BMPR1B: variants seen among roughly 807,000 people sequenced by gnomAD.
The protein encoded by BMPR1B is bone morphogenetic protein receptor type-1B.
BMPR1B carries 12 observed loss-of-function variants against 59.1 expected under a neutral mutation model. The observed-to-expected ratio is 0.20, with a 90% confidence interval of 0.13 to 0.33. The LOEUF (loss-of-function observed/expected upper bound fraction) is 0.33. BMPR1B is among the 10% of genes least tolerant of loss of function. The pLI is 1.00. For synonymous variants in BMPR1B, 237 were observed against 207.3 expected (o/e 1.14, Z -1.23); for missense variants, 550 against 610.9 (o/e 0.90, Z 1.05).
chr4:95,109,504 G>A (rs1283721596), intron 4 of BMPR1B, among the ~76,000 whole-genome samples: 2 of 152,132 alleles, frequency 1.3e-5, no homozygotes, highest in Non-Finnish European at 1.5e-5. Flanking sequence ...GGATTTAAGC[G>A]TGCATTGTTC....
At position 95,061,891 on chromosome 4, in the gene BMPR1B, G is replaced by A. The variant is rs142344968; in HGVS notation, c.-17-42517G>A. Among the ~76,000 whole-genome samples, 554 of 152,218 alleles carry A rather than the reference G, an allele frequency of 3.6e-3. 2 individuals carry two copies. The highest frequency in any genetic ancestry group is 0.013 in the African/African-American group (520 of 41,552). On this transcript the variant is annotated intron_variant, in intron 3 of 12. Transcript: ENST00000515059. ...TGGTGGGAGGTGATTGGATCTTGGCGGTGGTTTTCCCCCTTGCTGTTCTTG... is the reference window on the plus strand; with the variant it reads ...TGGTGGGAGGTGATTGGATCTTGGCAGTGGTTTTCCCCCTTGCTGTTCTTG...
intron 2 of BMPR1B, among the ~76,000 whole-genome samples, chr4:94,961,824 A>C (rs559937574): frequency 1.3e-5 from 2 of 152,182 alleles, no homozygotes; most frequent in Non-Finnish European, 2.9e-5. Flanking sequence ...TTATGAATGC[A>C]TAATAGTTGT....
intron 3 of BMPR1B, among the ~76,000 whole-genome samples, chr4:95,089,331 T>C (rs767784741): frequency 3.2e-4 from 49 of 151,966 alleles, no homozygotes; most frequent in Non-Finnish European, 5.1e-4. Flanking sequence ...TTTTTGGCGG[T>C]GGTTTGTTTA....
intron 3 of BMPR1B, among the ~76,000 whole-genome samples, chr4:95,082,729 A>C (rs1027459358): frequency 2.0e-5 from 3 of 152,164 alleles, no homozygotes; most frequent in Non-Finnish European, 4.4e-5. Context: ...AAAAGAGTAC[A>C]TGTAAGTGAA....
At chr4:94,965,369 G>A (rs1730516043) in intron 2 of BMPR1B, among the ~76,000 whole-genome samples, 2 of 151,888 alleles carry the variant, frequency 1.3e-5, no homozygotes, top group South Asian at 4.2e-4. Context: ...CAAAAGCCTG[G>A]CACATAGCAG....
chr4:94,996,230 A>G (rs1240964568), intron 3 of BMPR1B, 96 bp downstream of exon 3: 1 of 152,286 alleles, frequency 6.6e-6, no homozygotes, highest in Non-Finnish European at 1.5e-5. Flanking sequence ...TGGCATGTCA[A>G]AGCTAATGAG....
At chr4:94,941,431 CAAA>C (rs35329546) in intron 2 of BMPR1B, among the ~76,000 whole-genome samples, 1 of 115,710 alleles carries the variant, frequency 8.6e-6, no homozygotes, top group Non-Finnish European at 1.8e-5. Flanking sequence ...AAAACTGTCT[CAAA>C]AAAAAAAAAA....
At chr4:95,050,418 G>A (rs757866525) in intron 3 of BMPR1B, among the ~76,000 whole-genome samples, 1 of 152,098 alleles carries the variant, frequency 6.6e-6, no homozygotes, top group Non-Finnish European at 1.5e-5. Flanking sequence ...AAAGTACTTA[G>A]GAAAGTATAA....
At chr4:94,922,037 C>A (rs1438043323) in intron 2 of BMPR1B, among the ~76,000 whole-genome samples, 1 of 151,994 alleles carries the variant, frequency 6.6e-6, no homozygotes, top group Admixed American at 6.6e-5. Context: ...TGGAGTGCAG[C>A]AACACAATTA....
chr4:94,957,578 AT>A (rs1419159541), intron 2 of BMPR1B, among the ~76,000 whole-genome samples: 2 of 151,158 alleles, frequency 1.3e-5, no homozygotes, highest in Non-Finnish European at 2.9e-5. Flanking sequence ...GGTAAGAAAT[AT>A]TTTTCTTCGA....
intron 4 of BMPR1B, among the ~76,000 whole-genome samples, chr4:95,114,205 A>C (rs763295835): frequency 5.9e-5 from 9 of 152,148 alleles, no homozygotes; most frequent in Non-Finnish European, 1.0e-4. Flanking sequence ...GTATTTCACT[A>C]TCTCAGAGCA....
chr4:94,925,623 C>A (rs114115880), intron 2 of BMPR1B, among the ~76,000 whole-genome samples: 1 of 152,016 alleles, frequency 6.6e-6, no homozygotes, highest in Admixed American at 6.6e-5. Flanking sequence ...AGAGCACATG[C>A]CTTAAAAATT....
chr4:94,940,104 A>C (rs1729452918), intron 2 of BMPR1B, among the ~76,000 whole-genome samples: 1 of 152,210 alleles, frequency 6.6e-6, no homozygotes, highest in Non-Finnish European at 1.5e-5. Flanking sequence ...TTGTGAATTA[A>C]TAAAACAAGA....
chr4:94,785,933 A>G (rs1722747858), intron 1 of BMPR1B, among the ~76,000 whole-genome samples: 1 of 152,094 alleles, frequency 6.6e-6, no homozygotes, highest in Non-Finnish European at 1.5e-5. Context: ...CTATATAGTG[A>G]CCTTTCCTGA....
intron 1 of BMPR1B, among the ~76,000 whole-genome samples, chr4:94,799,964 A>G (rs1723345137): frequency 2.0e-5 from 3 of 152,158 alleles, no homozygotes; most frequent in Admixed American, 2.0e-4. Context: ...TGGTGAGGTT[A>G]CAGGCATGAG....
intron 1 of BMPR1B, among the ~76,000 whole-genome samples, chr4:94,868,515 G>T (rs1726347941): frequency 6.6e-6 from 1 of 152,152 alleles, no homozygotes. Context: ...AAAAAAGGGG[G>T]CTCCCCACTG....
At chr4:94,988,029 A>G (rs1187674530) in intron 2 of BMPR1B, among the ~76,000 whole-genome samples, 1 of 152,102 alleles carries the variant, frequency 6.6e-6, no homozygotes, top group Non-Finnish European at 1.5e-5. Context: ...ATTTGGAGTA[A>G]TTGTAGAAAT....
At chr4:94,821,660 A>G (rs148899320) in intron 1 of BMPR1B, among the ~76,000 whole-genome samples, 132 of 152,300 alleles carry the variant, frequency 8.7e-4, no homozygotes, top group South Asian at 3.7e-3. Flanking sequence ...TTTGTTAGGC[A>G]TTGTATTAGG....
intron 3 of BMPR1B, chr4:95,091,410 A>C: frequency 2.1e-6 from 2 of 953,484 alleles, no homozygotes; most frequent in Non-Finnish European, 2.5e-6. Context: ...CCAGCTTATA[A>C]TCAAAGGGAC....
Sources: allele counts gnomAD v4.1 joint callset (sites outside exome capture counted in the v4.1 genomes callset), GRCh38; gene constraint gnomAD v4.1.1; transcripts MANE v1.5; gene names NCBI Gene and HGNC (gene_info 2026-07-23, HGNC 2026-07-21).